CACNB4: variants seen among roughly 807,000 people sequenced by gnomAD.
The protein encoded by CACNB4 is calcium voltage-gated channel auxiliary subunit beta 4, also known as voltage-dependent L-type calcium channel subunit beta-4.
Under a neutral mutation model 71.2 loss-of-function variants are expected in CACNB4, and 32 were observed. The ratio of observed to expected loss-of-function variants is 0.45; its 90% CI spans 0.34 to 0.60. The LOEUF is 0.60. Ranked by LOEUF, CACNB4 falls within the 20% of genes least tolerant of loss-of-function variation. The probability of loss-of-function intolerance (pLI) is 0.01; values close to 1 mark genes in which losing one functional copy is unlikely to be tolerated. For synonymous variants in CACNB4, 231 were observed against 236.9 expected, an observed-to-expected ratio of 0.97 and a Z score of 0.23; for missense variants, 464 against 647.9, an observed-to-expected ratio of 0.72 and a Z score of 3.08.
chr2:151,869,288 G>A (rs1192871114), intron 8 of CACNB4, 53 bp from the exon 9 acceptor site: 4 of 1,090,386 alleles, frequency 3.7e-6, no homozygotes, highest in African/African-American at 1.6e-5. Flanking sequence ...GAGAGAGAGA[G>A]AGAAGTCAAA....
At chr2:151,940,056 AAAT>A (rs1231165166) in intron 2 of CACNB4, among the ~76,000 whole-genome samples, 1 of 152,214 alleles carries the variant, frequency 6.6e-6, no homozygotes, top group African/African-American at 2.4e-5. Context: ...AAATTTGCCC[AAAT>A]AATGATTCTT....
At chr2:151,977,852 G>A (rs185984927) in intron 2 of CACNB4, among the ~76,000 whole-genome samples, 34 of 152,300 alleles carry the variant, frequency 2.2e-4, no homozygotes, top group Non-Finnish European at 3.7e-4. Context: ...TTGGCTCCAC[G>A]GGCTAGAACA....
At chr2:152,019,119 G>A (rs988062424) in intron 2 of CACNB4, among the ~76,000 whole-genome samples, 2 of 152,170 alleles carry the variant, frequency 1.3e-5, no homozygotes, top group Non-Finnish European at 2.9e-5. Context: ...AGGCTTTCAT[G>A]TTGAATAAAG....
intron 2 of CACNB4, among the ~76,000 whole-genome samples, chr2:152,042,396 ACTT>A (rs1684921205): frequency 6.6e-6 from 1 of 152,096 alleles, no homozygotes; most frequent in Non-Finnish European, 1.5e-5. Flanking sequence ...TGGAGCCTCT[ACTT>A]CTTCAGGCTC....
intron 2 of CACNB4, among the ~76,000 whole-genome samples, chr2:152,014,602 G>A (rs1046157209): frequency 7.9e-5 from 12 of 151,630 alleles, no homozygotes; most frequent in Non-Finnish European, 1.6e-4. Context: ...GTGGTGGCAG[G>A]CACCTATAAT....
intron 2 of CACNB4, among the ~76,000 whole-genome samples, chr2:151,954,965 C>T (rs576242057): frequency 2.7e-5 from 4 of 149,706 alleles, no homozygotes; most frequent in Middle Eastern, 3.3e-3. Flanking sequence ...GCCATTCTCC[C>T]GCCTCAGCCT....
At chr2:152,042,259 C>G (rs1328123346) in intron 2 of CACNB4, among the ~76,000 whole-genome samples, 1 of 152,216 alleles carries the variant, frequency 6.6e-6, no homozygotes, top group African/African-American at 2.4e-5. Flanking sequence ...CCTCAAACAG[C>G]ATCTTGCTCC....
chr2:152,097,821 T>A (rs1159753617), intron 2 of CACNB4, among the ~76,000 whole-genome samples: 2 of 152,078 alleles, frequency 1.3e-5, no homozygotes, highest in African/African-American at 4.8e-5. Context: ...AAAGTGAGAG[T>A]AAACTTTCTG....
At chr2:152,030,531 A>G (rs1195480654) in intron 2 of CACNB4, among the ~76,000 whole-genome samples, 1 of 152,342 alleles carries the variant, frequency 6.6e-6, no homozygotes, top group East Asian at 1.9e-4. Flanking sequence ...ACATATGTAT[A>G]CATGTGCCAT....
At chr2:151,845,668 G>A (rs139790261) in intron 12 of CACNB4, among the ~76,000 whole-genome samples, 17 of 152,354 alleles carry the variant, frequency 1.1e-4, no homozygotes, top group Middle Eastern at 3.4e-3. Context: ...GTCCCGGGCA[G>A]CGAACAGTTA....
chr2:152,054,008 T>C (rs1017550027), intron 2 of CACNB4, among the ~76,000 whole-genome samples: 9 of 152,148 alleles, frequency 5.9e-5, no homozygotes, highest in Non-Finnish European at 1.3e-4. Context: ...AGTAAAATTA[T>C]AGGATACCCA....
rs879392086 is a variant in CACNB4, at chr2:151,895,145, C to A, written c.148-11775G>T. 2.6e-3 allele frequency among the ~76,000 whole-genome samples: 373 copies of A among 144,014 alleles called. 5 individuals are homozygous for A. The highest frequency in any genetic ancestry group is 9.3e-3 in the African/African-American group (358 of 38,466). 94.5% of individuals were successfully genotyped at this position (144,014 alleles called of 152,430 possible). A position where few individuals can be genotyped will look rare whatever the true frequency, so the allele number is the denominator to read the frequency against. On this transcript the variant is annotated intron_variant, in intron 2 of 13. Transcript: ENST00000539935. ...ACACACACACACACACACACACACA[C>A]AAATCCTGAGCAAAACGAACAAAGC...
intron 2 of CACNB4, among the ~76,000 whole-genome samples, chr2:151,928,986 C>T (rs1412540637): frequency 2.6e-5 from 4 of 151,918 alleles, no homozygotes; most frequent in African/African-American, 7.3e-5. Context: ...AATAGTTCTT[C>T]ACTTTCTGCC....
intron 2 of CACNB4, among the ~76,000 whole-genome samples, chr2:152,044,461 G>C (rs189732920): frequency 0.017 from 2,537 of 152,082 alleles, 74 homozygotes; most frequent in African/African-American, 0.058. Flanking sequence ...CTTGTGATCC[G>C]CCTGCCTCAG....
chr2:152,026,505 C>T (rs897383840), intron 2 of CACNB4, among the ~76,000 whole-genome samples: 2 of 151,966 alleles, frequency 1.3e-5, no homozygotes, highest in African/African-American at 4.8e-5. Context: ...ATGCCTCAGC[C>T]CCCTGAATAG....
Position 152,051,904 on chromosome 2 carries a change from T to C in CACNB4, c.147+46426A>G, listed in dbSNP as rs572412022. Reference sequence around the variant, plus strand: ...TTCCTATAAATGGTAACATAAAATATGTAGTTTTTGTAGTTTATGTAGCAT... The same window carrying C: ...TTCCTATAAATGGTAACATAAAATACGTAGTTTTTGTAGTTTATGTAGCAT... On this transcript the variant is annotated intron_variant, in intron 2 of 13. Transcript: ENST00000539935. Among the ~76,000 whole-genome samples, 24 of 152,338 alleles carry C rather than the reference T, an allele frequency of 1.6e-4. No homozygotes were observed. The South Asian group carries it at 2.5e-3, about 16-fold the overall frequency.
chr2:151,960,526 G>T (rs190312275), intron 2 of CACNB4, among the ~76,000 whole-genome samples: 1 of 152,166 alleles, frequency 6.6e-6, no homozygotes. Flanking sequence ...CCACCATTGC[G>T]ATCGGTCCCA....
intron 2 of CACNB4, among the ~76,000 whole-genome samples, chr2:151,955,392 G>A (rs2099867992): frequency 6.6e-6 from 1 of 152,152 alleles, no homozygotes; most frequent in Admixed American, 6.5e-5. Context: ...TTGGAGTTGA[G>A]GGAAGGAAGG....
intron 2 of CACNB4, among the ~76,000 whole-genome samples, chr2:152,026,619 A>T (rs1683992257): frequency 6.6e-6 from 1 of 152,222 alleles, no homozygotes; most frequent in Non-Finnish European, 1.5e-5. Context: ...ACCTCAGGTG[A>T]TCTGCCTGCC....
Sources: gnomAD v4.1 joint callset for allele counts (sites outside exome capture counted in the v4.1 genomes callset) on GRCh38, gnomAD v4.1.1 for gene constraint, MANE v1.5 for transcripts, NCBI Gene and HGNC (gene_info 2026-07-23, HGNC 2026-07-21) for gene names.